Variants in NDUFV3 observed in about 807,000 individuals in gnomAD.
The protein encoded by NDUFV3 is NADH:ubiquinone oxidoreductase subunit V3.
In NDUFV3, 44 loss-of-function variants were observed where a neutral mutation model predicts 37.5. The observed-to-expected ratio is 1.17, with a 90% CI of 0.92 to 1.51. The LOEUF (loss-of-function observed/expected upper bound fraction) is 1.51. NDUFV3 is among the 40% of genes most tolerant of loss of function. The pLI, the probability that NDUFV3 is intolerant of heterozygous loss-of-function variation, is 0.00. For missense variants in NDUFV3, 580 were observed against 580.4 expected, an observed-to-expected ratio of 1.00 and a Z score of 0.01; for synonymous variants, 235 against 239.3, an observed-to-expected ratio of 0.98 and a Z score of 0.17.
chr21:42,895,866 T>C (rs2146147117), intron 1 of NDUFV3, among the ~76,000 whole-genome samples: 1 of 152,220 alleles, frequency 6.6e-6, no homozygotes, highest in East Asian at 1.9e-4. Flanking sequence ...TTATGAAAAC[T>C]GTAATAACCA....
chr21:42,901,158 A>G (rs764719672), intron 2 of NDUFV3, among the ~76,000 whole-genome samples: 1 of 152,016 alleles, frequency 6.6e-6, no homozygotes, highest in African/African-American at 2.4e-5. Flanking sequence ...CAGTAAAAAA[A>G]TAGGCACAGT....
rs983799084 is a variant in NDUFV3 at position 42,908,812 on chromosome 21, C to T, written c.1265-52C>T. 8 of 1,609,400 alleles carry T rather than the reference C, an allele frequency of 5.0e-6. No homozygotes were observed. The African/African-American group carries it at 1.1e-4, about 22-fold the overall frequency. ...GCGCCTGTGTGTGAGCCGAGTCATT[C>T]ATAAAGAGCTGTCCTTGTGTTGGTC... On this transcript the variant is annotated intron_variant, in intron 3 of 3. Coordinates refer to ENST00000354250, the MANE Select transcript of NDUFV3 (RefSeq NM_021075.4).
intron 2 of NDUFV3, among the ~76,000 whole-genome samples, chr21:42,898,088 T>G (rs1317256228): frequency 6.6e-6 from 1 of 152,176 alleles, no homozygotes; most frequent in Non-Finnish European, 1.5e-5. Flanking sequence ...GATTCTTTTG[T>G]TTTCTTCCTC....
chr21:42,904,770 G>A (rs571649597), intron 3 of NDUFV3, among the ~76,000 whole-genome samples: 1 of 151,188 alleles, frequency 6.6e-6, no homozygotes, highest in Admixed American at 6.6e-5. Context: ...ACAGGCATGA[G>A]CAACCCCACC....
intron 2 of NDUFV3, among the ~76,000 whole-genome samples, chr21:42,902,958 A>C (rs2058723057): frequency 6.6e-6 from 1 of 152,214 alleles, no homozygotes; most frequent in South Asian, 2.1e-4. Context: ...TTAGGGAATA[A>C]TGTCAAGGAA....
At chr21:42,906,439 T>A (rs2058742274) in intron 3 of NDUFV3, among the ~76,000 whole-genome samples, 1 of 152,066 alleles carries the variant, frequency 6.6e-6, no homozygotes, top group Admixed American at 6.6e-5. Context: ...CTCCGTCTGC[T>A]CTTTGATCAG....
At chr21:42,894,368 A>AT (rs2058674741) in intron 1 of NDUFV3, among the ~76,000 whole-genome samples, 2 of 25,228 alleles carry the variant, frequency 7.9e-5, no homozygotes, top group African/African-American at 6.6e-4. Context: ...TATTATATAT[A>AT]TATTTATATA....
intron 2 of NDUFV3, among the ~76,000 whole-genome samples, chr21:42,898,504 C>G (rs1601216462): frequency 6.6e-6 from 1 of 152,144 alleles, no homozygotes. Context: ...GAGTCTTGCT[C>G]TGTCACCCAG....
At chr21:42,894,052 A>G (rs1307765369) in intron 1 of NDUFV3, among the ~76,000 whole-genome samples, 1 of 151,268 alleles carries the variant, frequency 6.6e-6, no homozygotes, top group Non-Finnish European at 1.5e-5. Context: ...CCCGTCTCTA[A>G]AAAATACAAA....
intron 3 of NDUFV3, among the ~76,000 whole-genome samples, chr21:42,905,256 CGGTT>C (rs1568860569): frequency 6.6e-5 from 10 of 152,144 alleles, no homozygotes; most frequent in African/African-American, 2.4e-4. Context: ...GGGGAGCCTC[CGGTT>C]TAACTTGCAT....
At chr21:42,901,767 G>A (rs1167491152) in intron 2 of NDUFV3, among the ~76,000 whole-genome samples, 1 of 152,154 alleles carries the variant, frequency 6.6e-6, no homozygotes, top group African/African-American at 2.4e-5. Context: ...TTGAGGTCTG[G>A]AGGGACTGAC....
chr21:42,905,993 A>G (rs1169623085), intron 3 of NDUFV3, among the ~76,000 whole-genome samples: 1 of 151,610 alleles, frequency 6.6e-6, no homozygotes, highest in African/African-American at 2.4e-5. Context: ...CCTCCTGAGT[A>G]GGTGCCACTA....
At chr21:42,900,929 T>C (rs2058715517) in intron 2 of NDUFV3, among the ~76,000 whole-genome samples, 1 of 152,198 alleles carries the variant, frequency 6.6e-6, no homozygotes, top group East Asian at 1.9e-4. Context: ...CTGGGCTCTC[T>C]AGCTTGCTGT....
chr21:42,904,089 A>T lies in NDUFV3; in HGVS notation c.1077A>T (p.Gly359=), dbSNP rs753820266. 2 of 1,614,244 alleles carry T rather than the reference A, an allele frequency of 1.2e-6. No homozygotes were observed. The highest frequency in any genetic ancestry group is 2.2e-5 in the South Asian group (2 of 91,086). ...GAAAGGAAACCTCAGGGACGCAGGG[A>T]ATAGAAGGCCACCTGAAGGGTGGAC... ...LPRKETSGTQ[G]IEGHLKGGQA... The change falls in exon 3 of 4, where the codon GGA becomes GGT. Residue 359 remains glycine, a synonymous_variant. Coordinates refer to ENST00000354250, the MANE Select transcript of NDUFV3 (RefSeq NM_021075.4).
In NDUFV3 at chr21:42,909,839, A is replaced by G. The variant is rs1184582407; in HGVS notation, c.*818A>G. On this transcript the variant is annotated 3_prime_UTR_variant, in exon 4 of 4. Coordinates refer to ENST00000354250, the MANE Select transcript of NDUFV3 (RefSeq NM_021075.4). ...GCTGGTACTACAGGCTCACGCCACCATGCCTGGCTAATTTTTTTTGTATTT... is the reference window on the plus strand; with the variant it reads ...GCTGGTACTACAGGCTCACGCCACCGTGCCTGGCTAATTTTTTTTGTATTT... 6.6e-6 allele frequency: 1 copy of G among 151,914 alleles called. No individual in the cohort carries two copies. Among genetic ancestry groups the G allele is most frequent in the Non-Finnish European group, 1.5e-5 (1 of 68,028 alleles). 9.4% of individuals were successfully genotyped at this position (151,914 alleles called of 1,614,324 possible).
chr21:42,902,556 AG>A (rs1320423533), intron 2 of NDUFV3, among the ~76,000 whole-genome samples: 1 of 152,230 alleles, frequency 6.6e-6, no homozygotes, highest in African/African-American at 2.4e-5. Flanking sequence ...TTGAGGTGAC[AG>A]GGAAGCAACA....
rs368251445 is a variant in NDUFV3, at chr21:42,904,261, C to T, written c.1249C>T (p.Arg417Ter). Residue 417 changes from arginine (R) to a stop codon, truncating the protein, a stop_gained, in exon 3 of 4, where the codon CGA (arginine) becomes TGA (stop). Coordinates refer to ENST00000354250, the MANE Select transcript of NDUFV3 (RefSeq NM_021075.4). LOFTEE classifies it low-confidence loss of function (END_TRUNC). ...AGATGCAGCCGCGCCAGGGGACGAC[C>T]GAGGCGGCACACAGGGTATACCTTG... ...MEDAAAPGDD[R>*]GGTQEPAPVP... is the part of the protein sequence containing the mutation. 243 of 1,599,198 alleles carry T rather than the reference C, an allele frequency of 1.5e-4. 1 individual carries two copies. The highest frequency in any genetic ancestry group is 1.8e-4 in the Non-Finnish European group (207 of 1,172,748).
In NDUFV3 at chr21:42,909,529, G is replaced by C. The variant is rs2058760090; in HGVS notation, c.*508G>C. On this transcript the variant is annotated 3_prime_UTR_variant, in exon 4 of 4. Coordinates refer to ENST00000354250, the MANE Select transcript of NDUFV3 (RefSeq NM_021075.4). Reference sequence around the variant, plus strand: ...ATTTTGGAATATCTACTATGTGCAAGGAATTTTTCTTAAACTCTAAGGTTA... The same window carrying C: ...ATTTTGGAATATCTACTATGTGCAACGAATTTTTCTTAAACTCTAAGGTTA... 1 of 190,274 alleles carries C rather than the reference G, an allele frequency of 5.3e-6. No individual in the cohort carries two copies. The highest frequency in any genetic ancestry group is 2.4e-5 in the African/African-American group (1 of 42,232). 11.8% of individuals were successfully genotyped at this position (190,274 alleles called of 1,614,324 possible).
chr21:42,893,383 TAA>T lies in NDUFV3; in HGVS notation c.48+4_48+5del. 6.5e-7 allele frequency: 1 copy of T among 1,536,908 alleles called. No homozygotes were observed. The highest frequency in any genetic ancestry group is 8.7e-7 in the Non-Finnish European group (1 of 1,146,266). ...CAAGGACGAGCCGGGGCGCTGAAGG[TAA>T]AGGAGGAGCCAGCCTGGGCTGGCTG... On this transcript the variant is annotated splice_donor_region_variant and intron_variant, in intron 1 of 3. Transcript: ENST00000354250.
Sources: allele counts gnomAD v4.1 joint callset (sites outside exome capture counted in the v4.1 genomes callset), GRCh38; gene constraint gnomAD v4.1.1; transcripts MANE v1.5; gene names NCBI Gene and HGNC (gene_info 2026-07-23, HGNC 2026-07-21).